Variants in NUP37 observed in about 807,000 individuals in gnomAD.
The protein encoded by NUP37 is nucleoporin Nup37.
A neutral mutation model predicts 45.4 loss-of-function variants in NUP37; 33 were observed. The observed-to-expected ratio is 0.73, with a 90% CI of 0.55 to 0.97. The LOEUF (loss-of-function observed/expected upper bound fraction) is 0.97. Among genes scored for constraint, NUP37 ranks in the 50% least tolerant of loss-of-function variants. NUP37 has a pLI of 0.00. For missense variants in NUP37, 365 were observed against 389.7 expected, an observed-to-expected ratio of 0.94 and a Z score of 0.53; for synonymous variants, 127 against 130.7, an observed-to-expected ratio of 0.97 and a Z score of 0.19.
intron 2 of NUP37, among the ~76,000 whole-genome samples, chr12:102,113,353 T>C (rs1880369668): frequency 6.6e-6 from 1 of 152,158 alleles, no homozygotes; most frequent in Non-Finnish European, 1.5e-5. Context: ...GCAAAATACC[T>C]ACCATGAGTA....
intron 6 of NUP37, among the ~76,000 whole-genome samples, chr12:102,080,332 G>C (rs1046475305): frequency 5.9e-5 from 9 of 152,208 alleles, no homozygotes; most frequent in African/African-American, 1.9e-4. Context: ...TGAGGCAGGA[G>C]GATCACTTGA....
intron 5 of NUP37, 40 bp from the exon 6 acceptor site, chr12:102,085,896 T>C (rs377111538): frequency 5.7e-5 from 55 of 957,632 alleles, no homozygotes; most frequent in South Asian, 4.7e-4. Context: ...TTGTTCTTGA[T>C]ATATCATTAC....
intron 6 of NUP37, among the ~76,000 whole-genome samples, chr12:102,084,861 GA>G (rs1185230093): frequency 6.6e-6 from 1 of 152,148 alleles, no homozygotes; most frequent in African/African-American, 2.4e-5. Context: ...CTACAGTGAT[GA>G]CCAAGAGAAG....
chr12:102,106,271 T>C (rs1178462729), intron 3 of NUP37, among the ~76,000 whole-genome samples: 4 of 152,246 alleles, frequency 2.6e-5, no homozygotes, highest in Non-Finnish European at 4.4e-5. Context: ...ATGTTTGTGG[T>C]GGTTTGTTAT....
At chr12:102,076,730 G>C (rs1879178940) in intron 8 of NUP37, 67 bp downstream of exon 8, 1 of 1,301,596 alleles carries the variant, frequency 7.7e-7, no homozygotes, top group Admixed American at 1.8e-5. Flanking sequence ...AACTACAAAA[G>C]TATCCCAGTG....
chr12:102,099,310 T>C, intron 4 of NUP37, 110 bp from the exon 5 acceptor site: 1 of 710,784 alleles, frequency 1.4e-6, no homozygotes, highest in African/African-American at 1.8e-5. Flanking sequence ...TGCCTGTTTT[T>C]CTATAAATAT....
intron 3 of NUP37, among the ~76,000 whole-genome samples, chr12:102,107,223 T>C (rs1421793480): frequency 1.3e-5 from 2 of 152,168 alleles, no homozygotes; most frequent in Non-Finnish European, 1.5e-5. Flanking sequence ...TCGGTAACAA[T>C]GGCAACACGT....
intron 6 of NUP37, among the ~76,000 whole-genome samples, chr12:102,080,833 G>A (rs756505027): frequency 6.6e-6 from 1 of 152,168 alleles, no homozygotes; most frequent in Non-Finnish European, 1.5e-5. Context: ...GTAAGAGATC[G>A]AGGAAAATTC....
chr12:102,082,537 G>A (rs1594385460), intron 6 of NUP37, among the ~76,000 whole-genome samples: 1 of 152,180 alleles, frequency 6.6e-6, no homozygotes, highest in Non-Finnish European at 1.5e-5. Context: ...GATTTTACAC[G>A]TTAGCACATT....
chr12:102,103,888 C>T (rs141641956), intron 3 of NUP37, among the ~76,000 whole-genome samples: 23 of 152,244 alleles, frequency 1.5e-4, no homozygotes, highest in East Asian at 1.2e-3. Context: ...CCATCTATGA[C>T]GAGCCCACAG....
At chr12:102,115,195 G>A (rs1455330440) in intron 2 of NUP37, among the ~76,000 whole-genome samples, 1 of 152,086 alleles carries the variant, frequency 6.6e-6, no homozygotes, top group African/African-American at 2.4e-5. Context: ...ATAATATACT[G>A]CTGAGAACTA....
At chr12:102,111,230 C>T (rs1442593449) in intron 3 of NUP37, among the ~76,000 whole-genome samples, 2 of 152,056 alleles carry the variant, frequency 1.3e-5, no homozygotes, top group African/African-American at 2.4e-5. Flanking sequence ...CTAGAATAGG[C>T]AAAACTGATT....
chr12:102,076,866 C>A lies in NUP37; in HGVS notation c.723-19G>T. ...AGGATAACTAAAAGATAATATTTTG[C>A]ATTTTATGAATTATGTGTTAAACTC... On this transcript the variant is annotated intron_variant, in intron 7 of 9. Coordinates refer to ENST00000552283, the MANE Select transcript of NUP37 (RefSeq NM_024057.4). 1.9e-6 allele frequency: 3 copies of A among 1,595,972 alleles called. No homozygotes were observed. The highest frequency in any genetic ancestry group is 1.7e-6 in the Non-Finnish European group (2 of 1,165,720).
At chr12:102,104,247 T>A (rs1476701692) in intron 3 of NUP37, among the ~76,000 whole-genome samples, 1 of 152,240 alleles carries the variant, frequency 6.6e-6, no homozygotes, top group Non-Finnish European at 1.5e-5. Context: ...ATATGCCTGT[T>A]GGCCATTCAT....
At chr12:102,074,572 C>A in intron 9 of NUP37, 105 bp from the exon 10 acceptor site, 3 of 693,172 alleles carry the variant, frequency 4.3e-6, no homozygotes, top group South Asian at 1.9e-5. Flanking sequence ...ATCTTTGTAG[C>A]ATAAACAAAA....
At chr12:102,119,852 G>C (rs1206246074) in intron 1 of NUP37, among the ~76,000 whole-genome samples, 198 bp downstream of exon 1, 1 of 152,190 alleles carries the variant, frequency 6.6e-6, no homozygotes, top group African/African-American at 2.4e-5. Flanking sequence ...TACAACGGCA[G>C]AGAAGAAGGG....
At chr12:102,094,147 A>G (rs927596442) in intron 5 of NUP37, among the ~76,000 whole-genome samples, 2 of 152,062 alleles carry the variant, frequency 1.3e-5, no homozygotes, top group Non-Finnish European at 1.5e-5. Flanking sequence ...ATGTTCCATC[A>G]CTGGAGCTAA....
rs971383705 is a variant in NUP37 at position 102,074,170 on chromosome 12, AGAG to A, written c.*181_*183del. The A allele has an allele frequency of 2.7e-5, 10 of 373,880 alleles. No individual in the cohort carries two copies. Among genetic ancestry groups the A allele is most frequent in the African/African-American group, 1.9e-4 (9 of 47,918 alleles). 23.2% of individuals were successfully genotyped at this position (373,880 alleles called of 1,614,324 possible). A position where few individuals can be genotyped will look rare whatever the true frequency, so the allele number is the denominator to read the frequency against. On this transcript the variant is annotated 3_prime_UTR_variant, in exon 10 of 10. Coordinates refer to ENST00000552283, the MANE Select transcript of NUP37 (RefSeq NM_024057.4). ...TAAAAATATATATATATACACACAC[AGAG>A]AACAGAGTAGAAAAATAATTTTTCA...
intron 3 of NUP37, among the ~76,000 whole-genome samples, chr12:102,105,677 A>G (rs1426104663): frequency 6.6e-6 from 1 of 151,990 alleles, no homozygotes; most frequent in Admixed American, 6.6e-5. Context: ...CCTGGTCAAC[A>G]CGGCGAAATC....
Sources: allele counts gnomAD v4.1 joint callset (sites outside exome capture counted in the v4.1 genomes callset), GRCh38; gene constraint gnomAD v4.1.1; transcripts MANE v1.5; gene names NCBI Gene and HGNC (gene_info 2026-07-23, HGNC 2026-07-21).